Variants in SLC6A6 observed in about 807,000 individuals in gnomAD.
SLC6A6 encodes the protein sodium- and chloride-dependent taurine transporter.
In SLC6A6, 16 loss-of-function variants were observed where a neutral mutation model predicts 68.8. That is an observed-to-expected ratio of 0.23 (90% CI 0.16 to 0.35). SLC6A6 has a LOEUF of 0.35. Among genes scored for constraint, SLC6A6 ranks in the 10% least tolerant of loss-of-function variants. The pLI, the probability that SLC6A6 is intolerant of heterozygous loss-of-function variation, is 1.00. For missense variants in SLC6A6, 474 were observed against 802.8 expected (o/e 0.59, Z 4.95); for synonymous variants, 312 against 315.4 (o/e 0.99, Z 0.12).
chr3:14,482,973 C>T (rs1447087569), intron 14 of SLC6A6, among the ~76,000 whole-genome samples: 2 of 152,080 alleles, frequency 1.3e-5, no homozygotes, highest in Non-Finnish European at 2.9e-5. Context: ...TCCTTACTGT[C>T]CAGAAGCCAA....
At chr3:14,444,978 T>A in intron 3 of SLC6A6, 1 of 405,076 alleles carries the variant, frequency 2.5e-6, no homozygotes, top group African/African-American at 2.0e-5. Flanking sequence ...AGCTGGTGCT[T>A]TTCTGCCTCC....
intron 5 of SLC6A6, among the ~76,000 whole-genome samples, chr3:14,454,548 G>A (rs1195528647): frequency 6.6e-6 from 1 of 152,146 alleles, no homozygotes; most frequent in African/African-American, 2.4e-5. Context: ...TGCCCGAGAT[G>A]TCTTTGGAAA....
chr3:14,447,084 T>C (rs1304263017), intron 4 of SLC6A6, among the ~76,000 whole-genome samples: 2 of 152,168 alleles, frequency 1.3e-5, no homozygotes, highest in East Asian at 3.8e-4. Context: ...AAACTGATTA[T>C]CTATGCAACA....
chr3:14,449,828 T>C (rs1700215598), intron 5 of SLC6A6, among the ~76,000 whole-genome samples: 2 of 152,166 alleles, frequency 1.3e-5, no homozygotes, highest in Admixed American at 6.5e-5. Flanking sequence ...CTCGGCTCAC[T>C]GCAACCTCCG....
intron 2 of SLC6A6, among the ~76,000 whole-genome samples, chr3:14,437,271 T>C (rs1315454800): frequency 6.6e-6 from 1 of 152,118 alleles, no homozygotes; most frequent in East Asian, 1.9e-4. Flanking sequence ...TTTTGTTTTT[T>C]TTTGGAGACA....
intron 9 of SLC6A6, among the ~76,000 whole-genome samples, chr3:14,470,336 G>C (rs1379643888): frequency 1.3e-5 from 2 of 152,174 alleles, no homozygotes; most frequent in Non-Finnish European, 2.9e-5. Context: ...GCACCATATT[G>C]AGTGAAGTGC....
At chr3:14,440,198 A>G (rs1699950231) in intron 2 of SLC6A6, among the ~76,000 whole-genome samples, 2 of 152,070 alleles carry the variant, frequency 1.3e-5, no homozygotes, top group South Asian at 4.1e-4. Flanking sequence ...ACAGATGAGG[A>G]CACTGAAGAC....
chr3:14,413,986 G>A (rs1574908756), intron 1 of SLC6A6, among the ~76,000 whole-genome samples: 1 of 151,982 alleles, frequency 6.6e-6, no homozygotes. Context: ...TCCCAGGCAT[G>A]AGTCACCACA....
At chr3:14,418,253 G>A (rs745701355) in intron 2 of SLC6A6, among the ~76,000 whole-genome samples, 3 of 152,184 alleles carry the variant, frequency 2.0e-5, no homozygotes, top group Admixed American at 1.3e-4. Context: ...TTTCTAAGGG[G>A]GAAGGTTAAG....
At position 14,434,783 on chromosome 3, in the gene SLC6A6, C is replaced by T. The variant is rs187749590; in HGVS notation, c.-11-8841C>T. Among the ~76,000 whole-genome samples the T allele has an allele frequency of 5.0e-4, 76 of 152,280 alleles. 1 individual carries two copies. In the East Asian group the frequency reaches 8.9e-3, roughly 18 times the overall value. On this transcript the variant is annotated intron_variant, in intron 2 of 14. Coordinates refer to ENST00000622186, the MANE Select transcript of SLC6A6 (RefSeq NM_003043.6). ...GGCCATCCTGCCACCGGGAGCCTGC[C>T]GTGCCTCCACCCCTCCCCCTGCAAC...
chr3:14,409,172 C>T (rs1362426039), intron 1 of SLC6A6, among the ~76,000 whole-genome samples: 1 of 152,192 alleles, frequency 6.6e-6, no homozygotes, highest in Non-Finnish European at 1.5e-5. Flanking sequence ...TTGGTCTATC[C>T]CAATAGCAGG....
At chr3:14,417,081 CCT>C (rs1355948820) in intron 2 of SLC6A6, among the ~76,000 whole-genome samples, 1 of 152,196 alleles carries the variant, frequency 6.6e-6, no homozygotes, top group African/African-American at 2.4e-5. Flanking sequence ...GCCTCCAATC[CCT>C]GCACTTTGGG....
chr3:14,432,114 C>A (rs1009566749), intron 2 of SLC6A6, among the ~76,000 whole-genome samples: 1 of 152,168 alleles, frequency 6.6e-6, no homozygotes, highest in Admixed American at 6.5e-5. Context: ...GTCACTGGGG[C>A]CTGTATCCTT....
Position 14,477,267 on chromosome 3 carries a change from G to A in SLC6A6, c.1272G>A (p.Lys424=), listed in dbSNP as rs560112925. 4.3e-6 allele frequency: 7 copies of A among 1,613,926 alleles called. No individual in the cohort carries two copies. In the African/African-American group the frequency reaches 8.0e-5, roughly 18 times the overall value. Residue 424 remains lysine (K), a synonymous_variant, in exon 11 of 15, where the codon AAG becomes AAA. Transcript: ENST00000622186. This position sits in a 1 kb window ranked among gnomAD's most constrained non-coding sequence, Gnocchi z 4.2. The stretch of plus-strand genomic sequence containing the variant: ...ATCTTTACCCATCCTTCCTAAGGAA[G>A]GGTTATCGTCGGGAAATCTTCATCG... The part of the protein sequence containing the change: ...LVDLYPSFLR[K]GYRREIFIAF...
chr3:14,415,193 C>T (rs1699335404), intron 1 of SLC6A6, among the ~76,000 whole-genome samples: 1 of 152,238 alleles, frequency 6.6e-6, no homozygotes, highest in African/African-American at 2.4e-5. Context: ...CAGTGCAGTG[C>T]CTGGCACAGT....
At chr3:14,458,887 T>C (rs1324856272) in intron 6 of SLC6A6, among the ~76,000 whole-genome samples, 1 of 152,222 alleles carries the variant, frequency 6.6e-6, no homozygotes, top group Admixed American at 6.5e-5. Flanking sequence ...GATTAACAAA[T>C]GTAAAATGTT....
At chr3:14,433,492 G>A (rs1162956924) in intron 2 of SLC6A6, among the ~76,000 whole-genome samples, 2 of 152,196 alleles carry the variant, frequency 1.3e-5, no homozygotes, top group African/African-American at 4.8e-5. Flanking sequence ...TGGGGTTAAC[G>A]ACTCTACAGG....
chr3:14,441,284 T>A (rs1699978057), intron 2 of SLC6A6, among the ~76,000 whole-genome samples: 1 of 151,522 alleles, frequency 6.6e-6, no homozygotes, highest in Non-Finnish European at 1.5e-5. Flanking sequence ...GGGAGTTGAG[T>A]CTCACATCCT....
intron 2 of SLC6A6, among the ~76,000 whole-genome samples, chr3:14,419,015 G>C (rs1261730903): frequency 3.9e-5 from 6 of 152,214 alleles, no homozygotes; most frequent in Non-Finnish European, 8.8e-5. Flanking sequence ...CTGCCGTGAG[G>C]CTGGAATGTG....
Sources: allele counts gnomAD v4.1 joint callset (sites outside exome capture counted in the v4.1 genomes callset), GRCh38; gene constraint gnomAD v4.1.1; non-coding constraint Gnocchi (gnomAD v3.1); transcripts MANE v1.5; gene names NCBI Gene and HGNC (gene_info 2026-07-23, HGNC 2026-07-21).